Variants in ARHGAP11B observed in about 807,000 individuals in gnomAD.
ARHGAP11B encodes Rho GTPase activating protein 11B, also known as inactive Rho GTPase-activating protein 11B.
ARHGAP11B carries 14 observed loss-of-function variants against 27.6 expected under a neutral mutation model. The ratio of observed to expected loss-of-function variants is 0.51; its 90% CI spans 0.34 to 0.79. The LOEUF is 0.79. Among genes scored for constraint, ARHGAP11B ranks in the 30% least tolerant of loss-of-function variants. The pLI is 0.02. For synonymous variants in ARHGAP11B, 82 were observed against 114.1 expected, an observed-to-expected ratio of 0.72 and a Z score of 1.80; for missense variants, 245 against 320.1, an observed-to-expected ratio of 0.77 and a Z score of 1.79.
At position 30,635,035 on chromosome 15, in the gene ARHGAP11B, A is replaced by G. The variant is rs376305602; in HGVS notation, c.552-45A>G. The G allele has an allele frequency of 5.2e-5, 83 of 1,583,460 alleles. 1 individual carries two copies. The African/African-American group carries it at 8.6e-4, about 16-fold the overall frequency. ...ACATACGTTATTTTAACTCTTCTGT[A>G]TTTTCACGTTTGGCTCCATCTAATA... On this transcript the variant is annotated intron_variant, in intron 4 of 10. Transcript: ENST00000428041.
chr15:30,648,842 A>T (rs1406110530), exon 11 of ARHGAP11B: 1 of 152,050 alleles, frequency 6.6e-6, no homozygotes, highest in East Asian at 1.9e-4. Flanking sequence ...ATGCTTAATA[A>T]TAAGGGTAAT....
rs1595679838 is a variant in ARHGAP11B at position 30,644,657 on chromosome 15, T to C, written c.*97T>C. 7.6e-6 allele frequency: 12 copies of C among 1,588,268 alleles called. 1 individual carries two copies. The African/African-American group carries it at 1.5e-4, about 20-fold the overall frequency. On this transcript the variant is annotated 3_prime_UTR_variant, in exon 8 of 11. Coordinates refer to ENST00000428041, the Ensembl canonical transcript of ARHGAP11B. ...ACCACAGATAATGAAACAACCACCA[T>C]CGGTTAAATTTGATCCAAAAATATT...
At chr15:30,648,977 A>G (rs1566786364) in exon 11 of ARHGAP11B, 3 of 152,062 alleles carry the variant, frequency 2.0e-5, no homozygotes, top group Admixed American at 6.6e-5. Context: ...AAATGAATCA[A>G]TGAAATATTT....
At chr15:30,626,924 A>G (rs772511633) in exon 1 of ARHGAP11B, 8 of 1,613,446 alleles carry the variant, frequency 5.0e-6, no homozygotes, top group Non-Finnish European at 6.8e-6. Flanking sequence ...CGCAGGAGAC[A>G]TGAAACAGCA....
intron 6 of ARHGAP11B, among the ~76,000 whole-genome samples, chr15:30,638,366 C>T (rs999699021): frequency 1.3e-5 from 2 of 151,778 alleles, no homozygotes; most frequent in Non-Finnish European, 2.9e-5. Flanking sequence ...GTTTTTACTT[C>T]CATCTCTACT....
At chr15:30,634,414 T>G in exon 4 of ARHGAP11B, 1 of 1,606,462 alleles carries the variant, frequency 6.2e-7, no homozygotes, top group South Asian at 1.1e-5. Context: ...CTCAGGAATG[T>G]TTCTCTTAGG....
At chr15:30,632,887 C>T (rs1418649603) in intron 2 of ARHGAP11B, among the ~76,000 whole-genome samples, 1 of 151,880 alleles carries the variant, frequency 6.6e-6, no homozygotes, top group Admixed American at 6.6e-5. Flanking sequence ...TGGCCTTGGA[C>T]GGAGCCCTGG....
At chr15:30,636,037 G>A (rs887226935) in intron 6 of ARHGAP11B, among the ~76,000 whole-genome samples, 1 of 150,934 alleles carries the variant, frequency 6.6e-6, no homozygotes, top group East Asian at 1.9e-4. Context: ...TGTAGATAGC[G>A]CAGTATGACT....
intron 6 of ARHGAP11B, among the ~76,000 whole-genome samples, chr15:30,637,328 A>G (rs945369713): frequency 6.6e-6 from 1 of 152,066 alleles, no homozygotes; most frequent in Non-Finnish European, 1.5e-5. Context: ...ACTATTCCCT[A>G]GATAACTCAG....
At chr15:30,631,675 C>T (rs1341580177) in intron 2 of ARHGAP11B, among the ~76,000 whole-genome samples, 1 of 152,096 alleles carries the variant, frequency 6.6e-6, no homozygotes, top group African/African-American at 2.4e-5. Context: ...CTCTTGAAAA[C>T]AAATATTGGA....
At chr15:30,647,451 A>C (rs1423304048) in intron 9 of ARHGAP11B, among the ~76,000 whole-genome samples, 1 of 151,906 alleles carries the variant, frequency 6.6e-6, no homozygotes, top group African/African-American at 2.4e-5. Context: ...TAGAGAATAT[A>C]AAGTGGTAGG....
chr15:30,647,547 T>C (rs1595681797), intron 9 of ARHGAP11B: 2 of 165,528 alleles, frequency 1.2e-5, no homozygotes, highest in East Asian at 3.8e-4. Context: ...TCATTTTTGG[T>C]ATACAGCATA....
intron 8 of ARHGAP11B, among the ~76,000 whole-genome samples, chr15:30,645,697 C>T (rs867711342): frequency 4.0e-5 from 6 of 151,880 alleles, no homozygotes; most frequent in South Asian, 2.1e-4. Flanking sequence ...ATGTTATCCT[C>T]GTTATTTTTT....
At position 30,627,697 on chromosome 15, in the gene ARHGAP11B, T is replaced by C. The variant is rs1418292110; in HGVS notation, c.129+748T>C. On this transcript the variant is annotated intron_variant, in intron 1 of 10. Transcript: ENST00000428041. ...CTCTGCCACATAATCAGGAATTGCA[T>C]TGTGAAAAATAAGCTGAATGTAAAG... 5.3e-5 allele frequency among the ~76,000 whole-genome samples: 8 copies of C among 152,024 alleles called. 1 individual carries two copies. The highest frequency in any genetic ancestry group is 1.3e-4 in the Admixed American group (2 of 15,236).
intron 7 of ARHGAP11B, 100 bp downstream of exon 7, chr15:30,638,910 A>C (rs2060298313): frequency 1.5e-6 from 1 of 682,970 alleles, no homozygotes. Flanking sequence ...TAACTTAGTA[A>C]TCAAATTTAG....
chr15:30,643,734 T>C (rs1245092455), intron 7 of ARHGAP11B, among the ~76,000 whole-genome samples: 1 of 152,038 alleles, frequency 6.6e-6, no homozygotes. Flanking sequence ...GATTATGAGA[T>C]TAGAATGGGA....
Position 30,641,931 on chromosome 15 carries a change from C to G in ARHGAP11B, c.*79-2708C>G, listed in dbSNP as rs891094932. ...GGGATTTCACCATGTTGGCCAGGCT[C>G]GTTTGAACTCCTGGCCTCAAGCAAT... On this transcript the variant is annotated intron_variant, in intron 7 of 10. Coordinates refer to ENST00000428041, the Ensembl canonical transcript of ARHGAP11B. Among the ~76,000 whole-genome samples the G allele has an allele frequency of 1.1e-4, 17 of 151,852 alleles. 1 individual carries two copies. The highest frequency in any genetic ancestry group is 3.6e-4 in the African/African-American group (15 of 41,470).
intron 2 of ARHGAP11B, among the ~76,000 whole-genome samples, chr15:30,633,051 T>A (rs2060255507): frequency 6.7e-6 from 1 of 149,718 alleles, no homozygotes; most frequent in Admixed American, 6.7e-5. Flanking sequence ...TGGTGATAGA[T>A]CGAGCAATAC....
chr15:30,641,807 C>G lies in ARHGAP11B; in HGVS notation c.*79-2832C>G, dbSNP rs868657693. On this transcript the variant is annotated intron_variant, in intron 7 of 10. Transcript: ENST00000428041. Reference sequence around the variant, plus strand: ...TCTTGGCTCACTACAACATCCACCTCCGATGTTCAAGTGATTCTTGTGCCT... The same window carrying G: ...TCTTGGCTCACTACAACATCCACCTGCGATGTTCAAGTGATTCTTGTGCCT... 3.3e-5 allele frequency among the ~76,000 whole-genome samples: 5 copies of G among 151,998 alleles called. No homozygotes were observed. The South Asian group carries it at 8.3e-4, about 25-fold the overall frequency.
Sources: allele counts gnomAD v4.1 joint callset (sites outside exome capture counted in the v4.1 genomes callset), GRCh38; gene constraint gnomAD v4.1.1; transcripts MANE v1.5; gene names NCBI Gene and HGNC (gene_info 2026-07-23, HGNC 2026-07-21).